The following GRIA4 variants were observed in gnomAD, a reference collection of about 807,000 sequenced individuals.
GRIA4 encodes the protein glutamate ionotropic receptor AMPA type subunit 4, also known as glutamate receptor 4.
A neutral mutation model predicts 104.0 loss-of-function variants in GRIA4; 34 were observed. That is an observed-to-expected ratio of 0.33 (90% CI 0.25 to 0.44). The LOEUF is 0.44. GRIA4 is among the 20% of genes least tolerant of loss of function. The pLI is 1.00. For synonymous variants in GRIA4, 386 were observed against 381.9 expected (o/e 1.01, Z -0.13); for missense variants, 750 against 1,096.5 (o/e 0.68, Z 4.46).
intron 14 of GRIA4, among the ~76,000 whole-genome samples, chr11:105,952,282 A>G (rs547831674): frequency 6.6e-6 from 1 of 152,216 alleles, no homozygotes; most frequent in African/African-American, 2.4e-5. Flanking sequence ...GGGTTTTGTA[A>G]GTTTTTGCAT....
chr11:105,904,052 CTA>C (rs1946958197), intron 8 of GRIA4, 71 bp downstream of exon 8: 2 of 1,041,136 alleles, frequency 1.9e-6, no homozygotes, highest in Non-Finnish European at 1.4e-6. Context: ...AAAAAACAGA[CTA>C]ATTTATCCAA....
chr11:105,840,888 T>C (rs1399990087), intron 4 of GRIA4, among the ~76,000 whole-genome samples: 2 of 152,214 alleles, frequency 1.3e-5, no homozygotes, highest in African/African-American at 4.8e-5. Flanking sequence ...TTTTGACCTT[T>C]CTTTACTTTT....
intron 4 of GRIA4, among the ~76,000 whole-genome samples, chr11:105,788,710 A>G (rs1475855968): frequency 6.6e-6 from 1 of 152,132 alleles, no homozygotes; most frequent in East Asian, 1.9e-4. Context: ...CATGAACATA[A>G]AGATGGAAAC....
intron 14 of GRIA4, among the ~76,000 whole-genome samples, chr11:105,951,217 A>G (rs1948447543): frequency 6.6e-6 from 1 of 152,222 alleles, no homozygotes; most frequent in South Asian, 2.1e-4. Flanking sequence ...ATCAAGAGTA[A>G]GAGACAGTGG....
At chr11:105,815,671 C>T (rs551682813) in intron 4 of GRIA4, among the ~76,000 whole-genome samples, 11 of 138,154 alleles carry the variant, frequency 8.0e-5, no homozygotes, top group East Asian at 4.2e-4. Flanking sequence ...GAATGAAAAA[C>T]GACCAAAAAA....
intron 5 of GRIA4, among the ~76,000 whole-genome samples, chr11:105,869,220 CA>C (rs1396236206): frequency 1.3e-5 from 2 of 152,074 alleles, no homozygotes; most frequent in Non-Finnish European, 2.9e-5. Flanking sequence ...ATATGATTGT[CA>C]GAATGCAAGT....
At chr11:105,748,484 A>G (rs1364093500) in intron 3 of GRIA4, among the ~76,000 whole-genome samples, 1 of 151,996 alleles carries the variant, frequency 6.6e-6, no homozygotes, top group African/African-American at 2.4e-5. Context: ...GGTTCAAGCA[A>G]TGATTCTCCT....
At chr11:105,800,607 A>C (rs1056538890) in intron 4 of GRIA4, among the ~76,000 whole-genome samples, 1 of 152,102 alleles carries the variant, frequency 6.6e-6, no homozygotes, top group African/African-American at 2.4e-5. Context: ...AAATTCAGAC[A>C]TGACTAATCA....
intron 13 of GRIA4, among the ~76,000 whole-genome samples, chr11:105,931,090 C>T (rs768774986): frequency 1.6e-4 from 25 of 152,028 alleles, no homozygotes; most frequent in Non-Finnish European, 2.2e-4. Flanking sequence ...TTCTCTGGAA[C>T]AGAACTCTAT....
intron 3 of GRIA4, among the ~76,000 whole-genome samples, chr11:105,738,186 T>A (rs1479370068): frequency 6.6e-6 from 1 of 152,148 alleles, no homozygotes; most frequent in Non-Finnish European, 1.5e-5. Context: ...CCAGATAAGT[T>A]GCATGTAAAT....
intron 3 of GRIA4, chr11:105,613,511 T>C (rs939168639): frequency 6.6e-5 from 10 of 152,196 alleles, no homozygotes; most frequent in African/African-American, 2.4e-4. Context: ...CTTTTTGTCA[T>C]ATCAAGCTGG....
At chr11:105,898,546 A>G (rs1354875523) in intron 7 of GRIA4, 119 bp downstream of exon 7, 2 of 654,522 alleles carry the variant, frequency 3.1e-6, no homozygotes, top group Non-Finnish European at 5.4e-6. Context: ...GGAAAAAAGC[A>G]TTTTGTCCTT....
At chr11:105,644,901 G>A (rs76316271) in intron 3 of GRIA4, among the ~76,000 whole-genome samples, 4,291 of 152,202 alleles carry the variant, frequency 0.028, 121 homozygotes, top group African/African-American at 0.07. Context: ...CAGTGTATAA[G>A]AAGCAAGTAA....
chr11:105,785,816 T>C (rs1941936276), intron 4 of GRIA4, among the ~76,000 whole-genome samples: 1 of 152,002 alleles, frequency 6.6e-6, no homozygotes, highest in South Asian at 2.1e-4. Flanking sequence ...ATAATATCAA[T>C]TGACTAAGAA....
At chr11:105,765,180 A>C (rs186784246) in intron 4 of GRIA4, among the ~76,000 whole-genome samples, 1 of 152,328 alleles carries the variant, frequency 6.6e-6, no homozygotes, top group East Asian at 1.9e-4. Flanking sequence ...ACTTAGCAAA[A>C]GCCATTATGC....
intron 14 of GRIA4, among the ~76,000 whole-genome samples, chr11:105,960,263 G>C (rs1047758718): frequency 2.0e-5 from 3 of 152,260 alleles, no homozygotes; most frequent in African/African-American, 7.2e-5. Context: ...CCTGCCTCTA[G>C]GAGCTCAGGC....
At chr11:105,939,556 G>T (rs965012835) in intron 14 of GRIA4, among the ~76,000 whole-genome samples, 4 of 152,090 alleles carry the variant, frequency 2.6e-5, no homozygotes, top group Admixed American at 1.3e-4. Flanking sequence ...CTCCCAGAAA[G>T]ATATTTTTTT....
intron 3 of GRIA4, among the ~76,000 whole-genome samples, chr11:105,694,797 T>C (rs955275447): frequency 6.6e-6 from 1 of 152,234 alleles, no homozygotes; most frequent in African/African-American, 2.4e-5. Context: ...TAAATTTAAC[T>C]AAAGTTAAAT....
intron 13 of GRIA4, among the ~76,000 whole-genome samples, chr11:105,927,203 T>G (rs1947732424): frequency 6.6e-6 from 1 of 152,130 alleles, no homozygotes; most frequent in Admixed American, 6.6e-5. Flanking sequence ...TAACATAATT[T>G]ATCCAAAACA....
Sources: gnomAD v4.1 joint callset for allele counts (sites outside exome capture counted in the v4.1 genomes callset) on GRCh38, gnomAD v4.1.1 for gene constraint, MANE v1.5 for transcripts, NCBI Gene and HGNC (gene_info 2026-07-23, HGNC 2026-07-21) for gene names.